The following DPP6 variants were observed in gnomAD, a reference collection of about 807,000 sequenced individuals.
DPP6 encodes the protein dipeptidyl peptidase like 6, also known as A-type potassium channel modulatory protein DPP6.
A neutral mutation model predicts 122.6 loss-of-function variants in DPP6; 69 were observed. The ratio of observed to expected loss-of-function variants is 0.56; its 90% CI spans 0.46 to 0.69. DPP6 has a LOEUF of 0.69. DPP6 is among the 30% of genes least tolerant of loss of function. The pLI is 0.00. For synonymous variants in DPP6, 418 were observed against 433.1 expected, an observed-to-expected ratio of 0.97 and a Z score of 0.43; for missense variants, 928 against 1,116.9, an observed-to-expected ratio of 0.83 and a Z score of 2.41.
chr7:153,855,840 A>G, the DPP6 span, among the ~76,000 whole-genome samples: 1 of 152,042 alleles, frequency 6.6e-6, no homozygotes, highest in Non-Finnish European at 1.5e-5. Context: ...GGCCTTCTAG[A>G]TTCAAAAAAA....
At chr7:154,027,675 G>A (rs988799892) in intron 1 of DPP6, among the ~76,000 whole-genome samples, 11 of 151,728 alleles carry the variant, frequency 7.2e-5, no homozygotes, top group African/African-American at 2.7e-4. Context: ...CTCTGTTGTG[G>A]TTTTCAGATG....
At chr7:154,584,366 C>T (rs1325367890) in intron 5 of DPP6, among the ~76,000 whole-genome samples, 1 of 152,234 alleles carries the variant, frequency 6.6e-6, no homozygotes, top group Non-Finnish European at 1.5e-5. Flanking sequence ...CTCCCATACC[C>T]GTGCACACCC....
chr7:154,526,594 T>G (rs778419795), intron 3 of DPP6, among the ~76,000 whole-genome samples: 1 of 152,216 alleles, frequency 6.6e-6, no homozygotes, highest in Non-Finnish European at 1.5e-5. Context: ...TGGAAACATG[T>G]GGCTAGAGGC....
chr7:153,848,300 C>A, the DPP6 span, among the ~76,000 whole-genome samples: 1 of 143,504 alleles, frequency 7.0e-6, no homozygotes, highest in Non-Finnish European at 1.5e-5. Context: ...CCCGAGAGAG[C>A]AGTCCTGCAC....
chr7:154,116,446 C>T (rs1806991787), intron 1 of DPP6, among the ~76,000 whole-genome samples: 1 of 152,206 alleles, frequency 6.6e-6, no homozygotes, highest in South Asian at 2.1e-4. Flanking sequence ...GCTTTTACTA[C>T]ATTTGATTTG....
intron 1 of DPP6, among the ~76,000 whole-genome samples, chr7:153,973,864 C>T (rs28513214): frequency 0.072 from 9,259 of 128,996 alleles, 507 homozygotes; most frequent in African/African-American, 0.12. Context: ...ATAGAAGCTG[C>T]AACTCTTGTC....
chr7:154,301,241 G>A (rs911198190), intron 1 of DPP6, among the ~76,000 whole-genome samples: 1 of 152,134 alleles, frequency 6.6e-6, no homozygotes, highest in East Asian at 1.9e-4. Flanking sequence ...TATGATTAAG[G>A]GCAGGTGAGC....
At chr7:154,891,684 C>G (rs1806625636) in intron 25 of DPP6, among the ~76,000 whole-genome samples, 1 of 152,138 alleles carries the variant, frequency 6.6e-6, no homozygotes, top group Admixed American at 6.5e-5. Flanking sequence ...CTCCTGGGTT[C>G]AAGTGATTCT....
intron 1 of DPP6, among the ~76,000 whole-genome samples, chr7:154,045,646 C>T (rs1176378304): frequency 6.6e-6 from 1 of 152,232 alleles, no homozygotes; most frequent in Non-Finnish European, 1.5e-5. Flanking sequence ...ATTGTGAACA[C>T]ATTTGCAAGC....
intron 4 of DPP6, among the ~76,000 whole-genome samples, chr7:154,561,282 A>G (rs75086706): frequency 1.3e-5 from 2 of 152,266 alleles, no homozygotes; most frequent in African/African-American, 4.8e-5. Context: ...CACATCACTC[A>G]TCAATAGAAA....
At chr7:154,012,923 G>A (rs1027064405) in intron 1 of DPP6, among the ~76,000 whole-genome samples, 1 of 152,216 alleles carries the variant, frequency 6.6e-6, no homozygotes, top group African/African-American at 2.4e-5. Context: ...CTGGCTGTGA[G>A]CTCAGTCCTG....
intron 2 of DPP6, among the ~76,000 whole-genome samples, chr7:154,452,428 G>A (rs79383140): frequency 0.016 from 2,375 of 152,300 alleles, 52 homozygotes; most frequent in African/African-American, 0.053. Context: ...AATCCAAGTC[G>A]TAACCGTCAC....
intron 1 of DPP6, among the ~76,000 whole-genome samples, chr7:154,108,779 C>G (rs1335337746): frequency 6.6e-5 from 10 of 152,200 alleles, no homozygotes; most frequent in Admixed American, 6.5e-4. Context: ...CTGGGGCGGA[C>G]AGGTTCTAAG....
intron 1 of DPP6, chr7:154,057,960 C>A (rs1170928226): frequency 6.6e-6 from 1 of 150,856 alleles, no homozygotes; most frequent in Non-Finnish European, 1.5e-5. Flanking sequence ...AACTGCCCTG[C>A]TAGTACAAGA....
chr7:154,337,635 C>A (rs964053939), intron 1 of DPP6, among the ~76,000 whole-genome samples: 2 of 152,098 alleles, frequency 1.3e-5, no homozygotes, highest in Non-Finnish European at 2.9e-5. Flanking sequence ...AGGCAGGCAG[C>A]CTAAACTCCC....
chr7:154,287,818 T>C (rs961248374), intron 1 of DPP6, among the ~76,000 whole-genome samples: 1 of 152,150 alleles, frequency 6.6e-6, no homozygotes, highest in East Asian at 1.9e-4. Flanking sequence ...GCCTGCATCC[T>C]GGAGGGAAGG....
chr7:153,993,192 G>A (rs532128758), intron 1 of DPP6, among the ~76,000 whole-genome samples: 81 of 152,272 alleles, frequency 5.3e-4, no homozygotes, highest in Middle Eastern at 3.4e-3. Flanking sequence ...ATCTGAATCA[G>A]TGTCTATATC....
chr7:153,793,997 G>T, the DPP6 span, among the ~76,000 whole-genome samples: 463 of 152,350 alleles, frequency 3.0e-3, no homozygotes, highest in African/African-American at 0.011. Flanking sequence ...AACATGTATG[G>T]AAATGCCTGG....
intron 1 of DPP6, among the ~76,000 whole-genome samples, chr7:154,365,267 A>G (rs527310288): frequency 8.3e-4 from 126 of 152,364 alleles, no homozygotes; most frequent in Non-Finnish European, 1.4e-3. Flanking sequence ...ACTTCCCCCA[A>G]AAAGAAAAGT....
Sources: gnomAD v4.1 joint callset for allele counts (sites outside exome capture counted in the v4.1 genomes callset) on GRCh38, gnomAD v4.1.1 for gene constraint, MANE v1.5 for transcripts, NCBI Gene and HGNC (gene_info 2026-07-23, HGNC 2026-07-21) for gene names.